Variants in ZNF385D observed in about 807,000 individuals in gnomAD.
ZNF385D encodes zinc finger protein 385D.
ZNF385D carries 15 observed loss-of-function variants against 35.8 expected under a neutral mutation model. The observed-to-expected ratio is 0.42, with a 90% CI of 0.28 to 0.64. ZNF385D has a LOEUF of 0.64. Ranked by LOEUF, ZNF385D falls within the 30% of genes least tolerant of loss-of-function variation. ZNF385D has a pLI of 0.23. For missense variants in ZNF385D, 474 were observed against 494.6 expected, an observed-to-expected ratio of 0.96 and a Z score of 0.39; for synonymous variants, 212 against 186.8, an observed-to-expected ratio of 1.13 and a Z score of -1.10.
chr3:22,094,199 G>C (rs966468285), intron 3 of ZNF385D, among the ~76,000 whole-genome samples: 1 of 149,240 alleles, frequency 6.7e-6, no homozygotes, highest in African/African-American at 2.5e-5. Flanking sequence ...TCATCTTTTG[G>C]TTGTTCATAT....
Position 21,415,384 on chromosome 3 carries a change from A to C in ZNF385D, c.*5830T>G, listed in dbSNP as rs1700548456. ...AAACTGTTAGCATAATAGTCTTGCTAGAGTGCATAACATCTTAACATTATA... is the reference window on the plus strand; with the variant it reads ...AAACTGTTAGCATAATAGTCTTGCTCGAGTGCATAACATCTTAACATTATA... On this transcript the variant is annotated 3_prime_UTR_variant, in exon 8 of 8. Coordinates refer to ENST00000281523, the MANE Select transcript of ZNF385D (RefSeq NM_024697.3). 6.6e-6 allele frequency: 1 copy of C among 152,122 alleles called. No individual in the cohort carries two copies. Among genetic ancestry groups the C allele is most frequent in the South Asian group, 2.1e-4 (1 of 4,822 alleles). 9.4% of individuals were successfully genotyped at this position (152,122 alleles called of 1,614,324 possible).
intron 2 of ZNF385D, among the ~76,000 whole-genome samples, chr3:22,370,039 A>C (rs1053956844): frequency 6.6e-6 from 1 of 152,160 alleles, no homozygotes; most frequent in Non-Finnish European, 1.5e-5. Flanking sequence ...AATTGCAAAC[A>C]TTTTCATTAT....
intron 2 of ZNF385D, among the ~76,000 whole-genome samples, chr3:21,572,905 GTCATATC>G (rs1159447043): frequency 2.0e-5 from 3 of 152,112 alleles, no homozygotes; most frequent in Non-Finnish European, 4.4e-5. Flanking sequence ...GGACTTATAT[GTCATATC>G]TCATTAGGAC....
In ZNF385D at chr3:22,258,629, T is replaced by C. The variant is rs143277919; in HGVS notation, c.107-89594A>G. Among the ~76,000 whole-genome samples, 1,501 of 151,838 alleles carry C rather than the reference T, an allele frequency of 9.9e-3. 17 individuals carry two copies. The highest frequency in any genetic ancestry group is 0.011 in the Non-Finnish European group (722 of 67,780). On this transcript the variant is annotated intron_variant, in intron 2 of 5. Coordinates refer to the ZNF385D transcript ENST00000494108. ...TTTTCAAACTTTTTGGTCTCAGAAC[T>C]CCTTATACACAAAAATAATTAAGTA...
At chr3:22,149,118 G>A (rs531097317) in intron 3 of ZNF385D, among the ~76,000 whole-genome samples, 19 of 152,234 alleles carry the variant, frequency 1.2e-4, no homozygotes, top group Non-Finnish European at 1.8e-4. Context: ...GATCTCATAC[G>A]CAACCCCGGA....
At chr3:21,562,784 G>T (rs2062998550) in intron 3 of ZNF385D, among the ~76,000 whole-genome samples, 2 of 151,622 alleles carry the variant, frequency 1.3e-5, no homozygotes, top group Non-Finnish European at 2.9e-5. Context: ...AATGATCAAA[G>T]TTGAAGCTGT....
intron 3 of ZNF385D, among the ~76,000 whole-genome samples, chr3:22,131,279 T>C (rs1393330600): frequency 6.6e-6 from 1 of 151,958 alleles, no homozygotes; most frequent in African/African-American, 2.4e-5. Flanking sequence ...GAGCTGACCT[T>C]TGGATTTAGC....
chr3:22,095,105 T>TTTTTC (rs1553606652), intron 3 of ZNF385D, among the ~76,000 whole-genome samples: 11 of 43,502 alleles, frequency 2.5e-4, no homozygotes, highest in Non-Finnish European at 4.4e-4. Context: ...TTTTTTTTTT[T>TTTTTC]GTAGAGATGG....
intron 2 of ZNF385D, among the ~76,000 whole-genome samples, chr3:22,227,703 C>T (rs1698644886): frequency 6.6e-6 from 1 of 152,140 alleles, no homozygotes; most frequent in African/African-American, 2.4e-5. Flanking sequence ...GATACCATTG[C>T]CATGGCAACA....
At chr3:22,195,801 A>G (rs1184186376) in intron 2 of ZNF385D, among the ~76,000 whole-genome samples, 2 of 152,094 alleles carry the variant, frequency 1.3e-5, no homozygotes, top group East Asian at 1.9e-4. Context: ...GACTGGATAA[A>G]GAAAATGTTA....
chr3:21,511,576 C>G, intron 3 of ZNF385D: 1 of 409,070 alleles, frequency 2.4e-6, no homozygotes, highest in Non-Finnish European at 4.9e-6. Context: ...TCAAATGGAG[C>G]ACACAGAAGC....
intron 3 of ZNF385D, among the ~76,000 whole-genome samples, chr3:21,946,634 C>A (rs895648568): frequency 6.6e-6 from 1 of 152,078 alleles, no homozygotes; most frequent in African/African-American, 2.4e-5. Flanking sequence ...GAGTTGGAGA[C>A]CAGCCTGGCT....
intron 2 of ZNF385D, among the ~76,000 whole-genome samples, chr3:22,371,976 G>T (rs1480835577): frequency 6.6e-6 from 1 of 152,146 alleles, no homozygotes; most frequent in Non-Finnish European, 1.5e-5. Context: ...AAGCTGTCCC[G>T]CTGTGTTTCT....
intron 3 of ZNF385D, among the ~76,000 whole-genome samples, chr3:22,148,791 A>G (rs973507932): frequency 1.3e-4 from 20 of 152,188 alleles, no homozygotes; most frequent in African/African-American, 4.8e-4. Flanking sequence ...AATGACCTTA[A>G]AACTTTAAGA....
chr3:22,261,672 C>T (rs1433578892), intron 2 of ZNF385D, among the ~76,000 whole-genome samples: 1 of 151,826 alleles, frequency 6.6e-6, no homozygotes, highest in African/African-American at 2.4e-5. Context: ...TTAGCAGAGA[C>T]CTGAAGGTGG....
intron 2 of ZNF385D, among the ~76,000 whole-genome samples, chr3:22,247,877 A>G (rs1017146288): frequency 1.3e-5 from 2 of 152,128 alleles, no homozygotes; most frequent in Non-Finnish European, 2.9e-5. Flanking sequence ...TCCTGGGATC[A>G]TAGGGGTGAG....
chr3:21,646,580 A>T lies in ZNF385D; in HGVS notation c.165+18306T>A, dbSNP rs1158116838. On this transcript the variant is annotated intron_variant, in intron 2 of 7. Coordinates refer to ENST00000281523, the MANE Select transcript of ZNF385D (RefSeq NM_024697.3). The surrounding 1 kb of genome is among the most constrained non-coding windows in gnomAD (Gnocchi z 4.3). Reference sequence around the variant, plus strand: ...CTATTGTGTATTGACCACCTAACAAATAGTGAATTTTGGAAATATGTCAGA... The same window carrying T: ...CTATTGTGTATTGACCACCTAACAATTAGTGAATTTTGGAAATATGTCAGA... 6.6e-6 allele frequency among the ~76,000 whole-genome samples: 1 copy of T among 152,196 alleles called. No homozygotes were observed.
At chr3:22,265,014 C>G (rs1700825195) in intron 2 of ZNF385D, among the ~76,000 whole-genome samples, 1 of 151,836 alleles carries the variant, frequency 6.6e-6, no homozygotes, top group Admixed American at 6.6e-5. Context: ...AGATAACGGA[C>G]TTTTTTTCAT....
chr3:21,681,688 A>T (rs9831135), intron 1 of ZNF385D, among the ~76,000 whole-genome samples: 9,936 of 111,276 alleles, frequency 0.089, 392 homozygotes, highest in East Asian at 0.15. Flanking sequence ...TAAGAATGAT[A>T]AAAAAAAACG....
Sources: allele counts gnomAD v4.1 joint callset (sites outside exome capture counted in the v4.1 genomes callset), GRCh38; gene constraint gnomAD v4.1.1; non-coding constraint Gnocchi (gnomAD v3.1); transcripts MANE v1.5; gene names NCBI Gene and HGNC (gene_info 2026-07-23, HGNC 2026-07-21).